ACOT7: variants seen among roughly 807,000 people sequenced by gnomAD.
ACOT7 encodes the protein acyl-CoA thioesterase 7.
Under a neutral mutation model 40.2 loss-of-function variants are expected in ACOT7, and 12 were observed. The ratio of observed to expected loss-of-function variants is 0.30; its 90% CI spans 0.19 to 0.48. The LOEUF (loss-of-function observed/expected upper bound fraction) is 0.48, where lower values mean the gene tolerates loss of function less well. Among genes scored for constraint, ACOT7 ranks in the 20% least tolerant of loss-of-function variants. The pLI, the probability that ACOT7 is intolerant of heterozygous loss-of-function variation, is 0.99. For synonymous variants in ACOT7, 228 were observed against 219.5 expected (o/e 1.04, Z -0.34); for missense variants, 395 against 530.8 (o/e 0.74, Z 2.51).
intron 2 of ACOT7, among the ~76,000 whole-genome samples, chr1:6,347,167 G>A (rs1446016658): frequency 6.6e-6 from 1 of 152,108 alleles, no homozygotes; most frequent in African/African-American, 2.4e-5. Context: ...TCTAGGCACT[G>A]GGACTGTTCT....
chr1:6,319,040 C>T (rs1039987055), intron 5 of ACOT7, among the ~76,000 whole-genome samples: 8 of 152,214 alleles, frequency 5.3e-5, no homozygotes, highest in African/African-American at 1.9e-4. Context: ...CCCCCAACCC[C>T]ATTCACTGCT....
chr1:6,296,761 G>A (rs1421093546), intron 6 of ACOT7, among the ~76,000 whole-genome samples: 2 of 152,000 alleles, frequency 1.3e-5, no homozygotes, highest in Non-Finnish European at 2.9e-5. Context: ...TTGCAGAGAT[G>A]GGGTCTTGCT....
intron 1 of ACOT7, among the ~76,000 whole-genome samples, chr1:6,351,786 C>T (rs1641598099): frequency 1.3e-5 from 2 of 152,248 alleles, no homozygotes; most frequent in Non-Finnish European, 2.9e-5. Context: ...CCAGGAATGA[C>T]ACAAGGCCAG....
Position 6,306,571 on chromosome 1 carries a change from G to A in ACOT7, c.713-11591C>T. Reference sequence around the variant, plus strand: ...AGAACAGAAGAACCTGGAGAACGATGTTTTCAAACACCAAGATCCTAGAAG... The same window carrying A: ...AGAACAGAAGAACCTGGAGAACGATATTTTCAAACACCAAGATCCTAGAAG... On this transcript the variant is annotated intron_variant, in intron 6 of 8. Transcript: ENST00000361521. This position sits in a 1 kb window ranked among gnomAD's most constrained non-coding sequence, Gnocchi z 4.3. 6 of 985,446 alleles carry A rather than the reference G, an allele frequency of 6.1e-6. No homozygotes were observed. Among genetic ancestry groups the A allele is most frequent in the Non-Finnish European group, 6.0e-6 (5 of 829,938 alleles). 61.0% of individuals were successfully genotyped at this position (985,446 alleles called of 1,614,324 possible).
chr1:6,341,371 G>A (rs1641272669), intron 2 of ACOT7, among the ~76,000 whole-genome samples: 1 of 152,050 alleles, frequency 6.6e-6, no homozygotes, highest in Non-Finnish European at 1.5e-5. Flanking sequence ...GACTTCAGAT[G>A]ATCCGCCTGC....
At chr1:6,295,783 G>A (rs1283253899) in intron 6 of ACOT7, among the ~76,000 whole-genome samples, 1 of 152,036 alleles carries the variant, frequency 6.6e-6, no homozygotes, top group Non-Finnish European at 1.5e-5. Flanking sequence ...GGGGGATATG[G>A]GAATGACCAC....
chr1:6,353,406 G>A (rs1255449771), intron 1 of ACOT7, among the ~76,000 whole-genome samples: 1 of 152,126 alleles, frequency 6.6e-6, no homozygotes. Context: ...CCGAGGCGGG[G>A]GCGGATCACT....
In ACOT7 at chr1:6,381,857, G is replaced by C. The variant is rs562331556; in HGVS notation, c.143+11400C>G. ...GTCTTTAAAAGGAAGGGAATGAGCC[G>C]GGCGCGGTGGCTCACGCCTGTAATC... is the stretch of plus-strand genomic sequence containing the variant. On this transcript the variant is annotated intron_variant, in intron 1 of 8. Transcript: ENST00000361521. Among the ~76,000 whole-genome samples, 5 of 152,054 alleles carry C rather than the reference G, an allele frequency of 3.3e-5. No homozygotes were observed. The South Asian group carries it at 1.0e-3, about 32-fold the overall frequency.
At chr1:6,295,096 G>A (rs1331821422) in intron 6 of ACOT7, 116 bp from the exon 7 acceptor site, 7 of 733,042 alleles carry the variant, frequency 9.5e-6, no homozygotes, top group East Asian at 2.8e-5. Flanking sequence ...AGCAAGGGCC[G>A]CAGCCAGCAG....
chr1:6,368,996 CT>C (rs1013449332), intron 1 of ACOT7, among the ~76,000 whole-genome samples: 3 of 151,860 alleles, frequency 2.0e-5, no homozygotes, highest in African/African-American at 2.4e-5. Flanking sequence ...AAACCACTTT[CT>C]TTTTTTTTCT....
chr1:6,336,521 G>A (rs142990761), intron 3 of ACOT7, among the ~76,000 whole-genome samples: 11 of 152,234 alleles, frequency 7.2e-5, no homozygotes, highest in African/African-American at 1.7e-4. Context: ...CAGCGGCCTC[G>A]TGACAGGCAG....
At chr1:6,304,164 G>A (rs538805849) in intron 6 of ACOT7, among the ~76,000 whole-genome samples, 2 of 152,210 alleles carry the variant, frequency 1.3e-5, no homozygotes, top group South Asian at 4.2e-4. Context: ...TTTTGGTGGG[G>A]TGTCAGTTTC....
At chr1:6,307,836 A>G (rs1640202404) in intron 6 of ACOT7, among the ~76,000 whole-genome samples, 1 of 151,636 alleles carries the variant, frequency 6.6e-6, no homozygotes, top group Non-Finnish European at 1.5e-5. Context: ...GGGCAGAGGG[A>G]ACTACAACTG....
intron 8 of ACOT7, among the ~76,000 whole-genome samples, chr1:6,279,617 C>T (rs1236202348): frequency 6.6e-6 from 1 of 152,178 alleles, no homozygotes; most frequent in Non-Finnish European, 1.5e-5. Context: ...TCAGCCTGGC[C>T]GAGTCCTCCT....
At chr1:6,292,266 G>C (rs893492380) in intron 7 of ACOT7, among the ~76,000 whole-genome samples, 10 of 152,234 alleles carry the variant, frequency 6.6e-5, no homozygotes, top group African/African-American at 2.4e-4. Flanking sequence ...AGGAGGCCCC[G>C]GCCACAGCCG....
chr1:6,306,945 C>T lies in ACOT7; in HGVS notation c.712+11547G>A. On this transcript the variant is annotated intron_variant, in intron 6 of 8. Transcript: ENST00000361521. This position sits in a 1 kb window ranked among gnomAD's most constrained non-coding sequence, Gnocchi z 4.3. ...AAGAAGACCAAGTGAACAAGAGCGT[C>T]TTGGTGGAGGCCTCACTTGCGTCCC... 1 of 1,286,188 alleles carries T rather than the reference C, an allele frequency of 7.8e-7. No individual in the cohort carries two copies. The highest frequency in any genetic ancestry group is 1.0e-6 in the Non-Finnish European group (1 of 986,656). 79.7% of individuals were successfully genotyped at this position (1,286,188 alleles called of 1,614,324 possible).
chr1:6,336,678 C>A (rs1325620873), intron 3 of ACOT7, among the ~76,000 whole-genome samples: 3 of 152,210 alleles, frequency 2.0e-5, no homozygotes, highest in South Asian at 2.1e-4. Context: ...ACCTGCAATA[C>A]CCCTATCTTT....
intron 1 of ACOT7, among the ~76,000 whole-genome samples, chr1:6,383,189 A>ATT (rs962032729): frequency 1.5e-5 from 2 of 135,798 alleles, no homozygotes; most frequent in African/African-American, 2.7e-5. Flanking sequence ...AAGATGGCAG[A>ATT]TTTTTTTTTT....
chr1:6,336,007 T>C (rs1401832093), intron 3 of ACOT7, among the ~76,000 whole-genome samples: 2 of 152,130 alleles, frequency 1.3e-5, no homozygotes, highest in East Asian at 3.9e-4. Flanking sequence ...AATTGTATTT[T>C]CTCCATCATT....
Sources: gnomAD v4.1 joint callset for allele counts (sites outside exome capture counted in the v4.1 genomes callset) on GRCh38, gnomAD v4.1.1 for gene constraint, Gnocchi (gnomAD v3.1) non-coding constraint, MANE v1.5 for transcripts, NCBI Gene and HGNC (gene_info 2026-07-23, HGNC 2026-07-21) for gene names.